TMC3: variants seen among roughly 807,000 people sequenced by gnomAD.
TMC3 encodes the protein transmembrane channel like 3.
In TMC3, 98 loss-of-function variants were observed where a neutral mutation model predicts 110.6. The observed-to-expected ratio is 0.89, with a 90% confidence interval of 0.75 to 1.05. TMC3 has a LOEUF of 1.05. Among genes scored for constraint, TMC3 ranks in the 50% least tolerant of loss-of-function variants. TMC3 has a pLI of 0.00. For synonymous variants in TMC3, 489 were observed against 513.1 expected (o/e 0.95, Z 0.63); for missense variants, 1,319 against 1,373.2 (o/e 0.96, Z 0.62).
At position 81,358,309 on chromosome 15, in the gene TMC3, A is replaced by G; in HGVS notation, c.601-18T>C. On this transcript the variant is annotated intron_variant, in intron 6 of 21. Transcript: ENST00000359440. ...AGGTAGCCCTGCAAAGAAAACACTC[A>G]GTGTCATTTCTGCTTCCCGTTCCCA... 2 of 1,600,250 alleles carry G rather than the reference A, an allele frequency of 1.2e-6. No individual in the cohort carries two copies. The highest frequency in any genetic ancestry group is 1.7e-6 in the Non-Finnish European group (2 of 1,171,852).
rs778706032 is a variant in TMC3, at chr15:81,344,873, C to T, written c.1411G>A (p.Glu471Lys). ...GLRRNNTWAL[E>K]ETSISAYTMP... Reference sequence around the variant, plus strand: ...GTATAAGCTGAAATGCTGGTCTCTTCCAAGGCCCATGTGTTGTTTCTCCTG... The same window carrying T: ...GTATAAGCTGAAATGCTGGTCTCTTTCAAGGCCCATGTGTTGTTTCTCCTG... Residue 471 changes from glutamate to lysine, a missense_variant, in exon 13 of 22, where the codon GAA becomes AAA. Physicochemically the swap from Glu to Lys is moderately conservative, Grantham distance 56 (BLOSUM62 1). Transcript: ENST00000359440. The T allele has an allele frequency of 3.9e-5, 63 of 1,613,860 alleles. No individual in the cohort carries two copies. The highest frequency in any genetic ancestry group is 5.0e-5 in the Non-Finnish European group (59 of 1,179,900).
At chr15:81,347,293 A>C (rs1454116414) in intron 11 of TMC3, among the ~76,000 whole-genome samples, 1 of 152,226 alleles carries the variant, frequency 6.6e-6, no homozygotes, top group Admixed American at 6.5e-5. Flanking sequence ...GTTGATGGGA[A>C]AGCATCTTTA....
At chr15:81,368,817 AT>A (rs1486425588) in intron 2 of TMC3, among the ~76,000 whole-genome samples, 1 of 152,204 alleles carries the variant, frequency 6.6e-6, no homozygotes, top group Non-Finnish European at 1.5e-5. Flanking sequence ...GACATGAACA[AT>A]CTGATTCACC....
At chr15:81,368,404 C>G in intron 2 of TMC3, 76 bp from the exon 3 acceptor site, 1 of 1,136,130 alleles carries the variant, frequency 8.8e-7, no homozygotes, top group Non-Finnish European at 1.3e-6. Flanking sequence ...AAAAATGCAA[C>G]AGGAATAGGT....
chr15:81,352,065 G>A (rs912455851), intron 9 of TMC3, among the ~76,000 whole-genome samples: 1 of 152,094 alleles, frequency 6.6e-6, no homozygotes, highest in Non-Finnish European at 1.5e-5. Context: ...CATCAGTGGG[G>A]TTTGAAACAA....
chr15:81,356,299 G>A, intron 8 of TMC3, 148 bp downstream of exon 8: 1 of 670,250 alleles, frequency 1.5e-6, no homozygotes, highest in Admixed American at 4.0e-5. Flanking sequence ...ACATTTCCTG[G>A]AGCATGTTCA....
rs1320781920 is a variant in TMC3, at chr15:81,351,823, C to G, written c.954G>C (p.Leu318=). Residue 318 remains leucine (L), a synonymous_variant, in exon 10 of 22, where the codon CTG becomes CTC. Coordinates refer to ENST00000359440, the MANE Select transcript of TMC3 (RefSeq NM_001080532.3). ...KSKNLAVTIC[L]RIIANILVLL... Reference sequence around the variant, plus strand: ...GCACCAGGATGTTGGCAATAATCCTCAGGCAGATGGTCACTGCCCTGGGGA... The same window carrying G: ...GCACCAGGATGTTGGCAATAATCCTGAGGCAGATGGTCACTGCCCTGGGGA... 1.9e-6 allele frequency: 3 copies of G among 1,612,246 alleles called. No homozygotes were observed. The highest frequency in any genetic ancestry group is 2.5e-6 in the Non-Finnish European group (3 of 1,179,224).
At chr15:81,338,311 C>A (rs781402345) in intron 18 of TMC3, among the ~76,000 whole-genome samples, 2 of 152,050 alleles carry the variant, frequency 1.3e-5, no homozygotes, top group Non-Finnish European at 2.9e-5. Context: ...TTGTGAAATT[C>A]CTTTTCAGGA....
Position 81,341,285 on chromosome 15 carries a change from G to A in TMC3, c.1844+105C>T, listed in dbSNP as rs112548220. ...AGGACAGGCAAGATTTTGACAGGAAGAGAGTTGGGGGGACCCTTTGCTAGA... is the reference window on the plus strand; with the variant it reads ...AGGACAGGCAAGATTTTGACAGGAAAAGAGTTGGGGGGACCCTTTGCTAGA... On this transcript the variant is annotated intron_variant, in intron 16 of 21. Transcript: ENST00000359440. The A allele has an allele frequency of 1.0e-5, 13 of 1,240,714 alleles. No individual in the cohort carries two copies. In the African/African-American group the frequency reaches 1.2e-4, roughly 12 times the overall value. 76.9% of individuals were successfully genotyped at this position (1,240,714 alleles called of 1,614,324 possible). A position where few individuals can be genotyped will look rare whatever the true frequency, so the allele number is the denominator to read the frequency against.
chr15:81,368,454 A>G, intron 2 of TMC3, 126 bp from the exon 3 acceptor site: 1 of 674,718 alleles, frequency 1.5e-6, no homozygotes. Context: ...AAAAGATGCC[A>G]TGAGAGAATG....
Position 81,356,513 on chromosome 15 carries a change from C to G in TMC3, c.825G>C (p.Trp275Cys). 2 of 1,572,310 alleles carry G rather than the reference C, an allele frequency of 1.3e-6. No individual in the cohort carries two copies. The highest frequency in any genetic ancestry group is 1.7e-6 in the Non-Finnish European group (2 of 1,158,086). ...YTFCWRVFCA[W>C]DYLIGNPEAA... ...CCTCTGGGTTTCCAATGAGGTAATC[C>G]CAGGCACAGAACACCCGCCAGCAGA... Residue 275 changes from tryptophan (W) to cysteine (C), a missense_variant, in exon 8 of 22, where the codon TGG becomes TGC. Coordinates refer to ENST00000359440, the MANE Select transcript of TMC3 (RefSeq NM_001080532.3).
intron 3 of TMC3, among the ~76,000 whole-genome samples, chr15:81,363,857 C>T (rs1290589836): frequency 1.3e-5 from 2 of 152,146 alleles, no homozygotes; most frequent in Non-Finnish European, 2.9e-5. Context: ...AAGGGGTGCA[C>T]CATCATCCTT....
chr15:81,354,540 G>C (rs1179094478), intron 9 of TMC3, among the ~76,000 whole-genome samples: 1 of 152,176 alleles, frequency 6.6e-6, no homozygotes, highest in Non-Finnish European at 1.5e-5. Context: ...GGATCTTGTG[G>C]GTTCCCTATG....
chr15:81,365,826 C>T (rs755529054), intron 3 of TMC3, among the ~76,000 whole-genome samples: 22 of 152,204 alleles, frequency 1.4e-4, no homozygotes, highest in African/African-American at 3.9e-4. Context: ...TACATGTCCA[C>T]GCAGAAGATA....
At chr15:81,360,381 C>A (rs771671282) in intron 4 of TMC3, among the ~76,000 whole-genome samples, 2 of 152,164 alleles carry the variant, frequency 1.3e-5, no homozygotes, top group Non-Finnish European at 2.9e-5. Flanking sequence ...AAATACTCTT[C>A]TATAAAATAA....
intron 11 of TMC3, among the ~76,000 whole-genome samples, chr15:81,346,932 C>G (rs1046332722): frequency 3.9e-5 from 6 of 152,216 alleles, no homozygotes; most frequent in Non-Finnish European, 8.8e-5. Flanking sequence ...AATGCAATTT[C>G]AGGACCTCAG....
chr15:81,354,155 A>G (rs1484881602), intron 9 of TMC3, among the ~76,000 whole-genome samples: 1 of 152,232 alleles, frequency 6.6e-6, no homozygotes, highest in Non-Finnish European at 1.5e-5. Flanking sequence ...TTTTGAAGGC[A>G]CCTTCTTCTG....
At chr15:81,341,297 G>C in intron 16 of TMC3, 93 bp downstream of exon 16, 1 of 1,348,976 alleles carries the variant, frequency 7.4e-7, no homozygotes. Flanking sequence ...GAGTTGGGGG[G>C]ACCCTTTGCT....
At chr15:81,346,238 G>A (rs1236329704) in intron 12 of TMC3, 127 bp downstream of exon 12, 2 of 878,088 alleles carry the variant, frequency 2.3e-6, no homozygotes, top group Admixed American at 2.2e-5. Flanking sequence ...GCAAAGTCAA[G>A]TTTTGCACAT....
Sources: gnomAD v4.1 joint callset for allele counts (sites outside exome capture counted in the v4.1 genomes callset) on GRCh38, gnomAD v4.1.1 for gene constraint, MANE v1.5 for transcripts, NCBI Gene and HGNC (gene_info 2026-07-23, HGNC 2026-07-21) for gene names.